Variants in ZNF169 observed in about 807,000 individuals in gnomAD.
The protein encoded by ZNF169 is zinc finger protein 169.
ZNF169 carries 11 observed loss-of-function variants against 12.0 expected under a neutral mutation model. The observed-to-expected ratio is 0.92, with a 90% confidence interval of 0.58 to 1.52. The LOEUF is 1.52. Among genes scored for constraint, ZNF169 ranks in the 40% most tolerant of loss-of-function variants. The pLI is 0.00. For synonymous variants in ZNF169, 302 were observed against 286.5 expected, an observed-to-expected ratio of 1.05 and a Z score of -0.55; for missense variants, 722 against 744.0, an observed-to-expected ratio of 0.97 and a Z score of 0.34.
rs755202697 is a variant in ZNF169 at position 94,292,338 on chromosome 9, C to T, written c.34-3C>T. ...AGTGAGCAGGGATGTGTTTGTGTTA[C>T]AGGCATTGATGGCCTTCCGGGATGT... On this transcript the variant is annotated splice_region_variant and splice_polypyrimidine_tract_variant and intron_variant, in intron 2 of 4. Coordinates refer to ENST00000395395, the MANE Select transcript of ZNF169 (RefSeq NM_194320.4). 6.2e-7 allele frequency: 1 copy of T among 1,614,126 alleles called. No homozygotes were observed. Among genetic ancestry groups the T allele is most frequent in the Non-Finnish European group, 8.5e-7 (1 of 1,180,046 alleles).
chr9:94,271,572 T>C (rs1254407610), intron 1 of ZNF169, among the ~76,000 whole-genome samples: 3 of 151,814 alleles, frequency 2.0e-5, no homozygotes, highest in African/African-American at 7.3e-5. Flanking sequence ...ATACAAAAAT[T>C]AGCTGGGCGT....
intron 2 of ZNF169, chr9:94,287,909 G>GT: frequency 2.1e-6 from 2 of 952,602 alleles, no homozygotes; most frequent in South Asian, 2.6e-5. Context: ...TAGTGTTACT[G>GT]TTTCCTGCTG....
At chr9:94,289,719 G>A (rs1005063074) in intron 2 of ZNF169, among the ~76,000 whole-genome samples, 10 of 152,182 alleles carry the variant, frequency 6.6e-5, no homozygotes, top group Non-Finnish European at 1.2e-4. Context: ...GCATTCGGGA[G>A]GCAGAGAATG....
At chr9:94,298,673 C>T (rs1564093406) in intron 4 of ZNF169, among the ~76,000 whole-genome samples, 4 of 147,518 alleles carry the variant, frequency 2.7e-5, no homozygotes, top group South Asian at 4.3e-4. Context: ...AGGTTGCAGT[C>T]AGCCAAGATC....
chr9:94,281,449 C>T (rs1293283823), intron 2 of ZNF169, among the ~76,000 whole-genome samples: 2 of 152,180 alleles, frequency 1.3e-5, no homozygotes, highest in Non-Finnish European at 2.9e-5. Context: ...AGTTAGCACC[C>T]TGTGAACCCA....
At chr9:94,266,120 G>A (rs564322838) in intron 1 of ZNF169, among the ~76,000 whole-genome samples, 5 of 150,714 alleles carry the variant, frequency 3.3e-5, no homozygotes, top group Admixed American at 2.7e-4. Context: ...TAGTTATTTT[G>A]TCATGCTTTA....
intron 1 of ZNF169, among the ~76,000 whole-genome samples, chr9:94,262,585 A>C (rs1830223676): frequency 7.7e-6 from 1 of 130,540 alleles, no homozygotes; most frequent in South Asian, 2.7e-4. Flanking sequence ...CAACCTCCTG[A>C]GTAGCTGGGC....
At position 94,299,849 on chromosome 9, in the gene ZNF169, C is replaced by T; in HGVS notation, c.291C>T (p.His97=). 1 of 1,613,898 alleles carries T rather than the reference C, an allele frequency of 6.2e-7. No homozygotes were observed. The change falls in exon 5 of 5, where the codon CAC becomes CAT. Residue 97 remains histidine (H), a synonymous_variant. Coordinates refer to ENST00000395395, the MANE Select transcript of ZNF169 (RefSeq NM_194320.4). ...CAGAATTCCAGCCAAGTTTTCCCCA[C>T]CTGGTGGCCTTTTCTAGCTCGCAGC... is the stretch of plus-strand genomic sequence containing the variant. The part of the protein sequence containing the change: ...PRTEFQPSFP[H]LVAFSSSQLL...
chr9:94,285,804 G>A (rs996529238), intron 2 of ZNF169, among the ~76,000 whole-genome samples: 18 of 152,058 alleles, frequency 1.2e-4, no homozygotes, highest in African/African-American at 3.4e-4. Flanking sequence ...GAGGTCGGGC[G>A]TTCGAGACCA....
intron 1 of ZNF169, among the ~76,000 whole-genome samples, chr9:94,276,750 AT>A (rs1440920205): frequency 6.6e-6 from 1 of 151,656 alleles, no homozygotes; most frequent in Non-Finnish European, 1.5e-5. Flanking sequence ...TTTTTATTGT[AT>A]TTTTTCTACT....
At chr9:94,270,827 T>TA (rs1228424493) in intron 1 of ZNF169, among the ~76,000 whole-genome samples, 1 of 42,592 alleles carries the variant, frequency 2.3e-5, no homozygotes, top group Non-Finnish European at 3.9e-5. Flanking sequence ...TAAATATATA[T>TA]AAAATATATA....
intron 1 of ZNF169, among the ~76,000 whole-genome samples, chr9:94,268,272 T>C (rs980271661): frequency 3.3e-5 from 5 of 152,182 alleles, no homozygotes; most frequent in Non-Finnish European, 5.9e-5. Context: ...CAAGGAAATC[T>C]GTTAACTCTG....
chr9:94,291,884 G>A (rs895648507), intron 2 of ZNF169, among the ~76,000 whole-genome samples: 4 of 152,194 alleles, frequency 2.6e-5, no homozygotes, highest in Non-Finnish European at 5.9e-5. Flanking sequence ...ATATAGTAAA[G>A]ATGTAAGTTC....
chr9:94,273,916 C>A (rs1830475859), intron 1 of ZNF169, among the ~76,000 whole-genome samples: 1 of 152,190 alleles, frequency 6.6e-6, no homozygotes, highest in Admixed American at 6.5e-5. Flanking sequence ...TGCCTTATTA[C>A]CGGCTGTATT....
chr9:94,270,689 T>G (rs1274009614), intron 1 of ZNF169, among the ~76,000 whole-genome samples: 1 of 39,668 alleles, frequency 2.5e-5, no homozygotes, highest in Non-Finnish European at 7.0e-5. Flanking sequence ...TATATATAAA[T>G]ATATAATTTA....
At position 94,293,034 on chromosome 9, in the gene ZNF169, G is replaced by T; in HGVS notation, c.221G>T (p.Arg74Ile). 1 of 1,613,658 alleles carries T rather than the reference G, an allele frequency of 6.2e-7. No homozygotes were observed. The highest frequency in any genetic ancestry group is 2.2e-5 in the East Asian group (1 of 44,868). ...CTGGAGCAAGGCGACGAACCTTGGA[G>T]AGAGGAGAACGAACATCTTCTGGAC... is the stretch of plus-strand genomic sequence containing the variant. ...EQLEQGDEPWREENEHLLDLC... is the reference protein window; with the variant it reads ...EQLEQGDEPWIEENEHLLDLC... Residue 74 changes from arginine to isoleucine, a missense_variant, in exon 4 of 5, where the codon AGA becomes ATA. By Grantham distance (97) the Arg-to-Ile change is moderately conservative. Coordinates refer to ENST00000395395, the MANE Select transcript of ZNF169 (RefSeq NM_194320.4).
At chr9:94,275,313 G>T (rs573961979) in intron 1 of ZNF169, among the ~76,000 whole-genome samples, 8 of 152,198 alleles carry the variant, frequency 5.3e-5, no homozygotes, top group Admixed American at 3.9e-4. Context: ...TCGAAAAATT[G>T]TAAGTTGAAC....
At chr9:94,260,680 A>G (rs1023054974) in intron 1 of ZNF169, among the ~76,000 whole-genome samples, 13 of 151,976 alleles carry the variant, frequency 8.6e-5, no homozygotes, top group Non-Finnish European at 2.9e-5. Flanking sequence ...TTCCGGGAGC[A>G]TGGGTTGCAA....
chr9:94,298,900 A>T (rs530919816), intron 4 of ZNF169, among the ~76,000 whole-genome samples: 1 of 152,282 alleles, frequency 6.6e-6, no homozygotes, highest in East Asian at 1.9e-4. Flanking sequence ...AAATTTTTTG[A>T]AAAAGTCAAT....
Sources: allele counts gnomAD v4.1 joint callset (sites outside exome capture counted in the v4.1 genomes callset), GRCh38; gene constraint gnomAD v4.1.1; transcripts MANE v1.5; gene names NCBI Gene and HGNC (gene_info 2026-07-23, HGNC 2026-07-21).